Variants in PRKCH observed in about 807,000 individuals in gnomAD.
PRKCH encodes protein kinase C eta type.
PRKCH carries 28 observed loss-of-function variants against 82.5 expected under a neutral mutation model. The observed-to-expected ratio is 0.34, with a 90% CI of 0.25 to 0.47. PRKCH has a LOEUF of 0.47. Ranked by LOEUF, PRKCH falls within the 20% of genes least tolerant of loss-of-function variation. PRKCH has a pLI of 1.00. For synonymous variants in PRKCH, 322 were observed against 327.4 expected, an observed-to-expected ratio of 0.98 and a Z score of 0.18; for missense variants, 705 against 881.8, an observed-to-expected ratio of 0.80 and a Z score of 2.54.
intron 1 of PRKCH, among the ~76,000 whole-genome samples, chr14:61,240,169 C>G (rs1044079333): frequency 6.6e-6 from 1 of 151,906 alleles, no homozygotes; most frequent in Non-Finnish European, 1.5e-5. Flanking sequence ...CACGGACACA[C>G]GTGGAGTGAT....
chr14:61,398,987 T>C (rs1251768286), intron 2 of PRKCH, among the ~76,000 whole-genome samples: 1 of 152,216 alleles, frequency 6.6e-6, no homozygotes, highest in Non-Finnish European at 1.5e-5. Context: ...TATTACAGAA[T>C]TGTTGATGTT....
intron 1 of PRKCH, among the ~76,000 whole-genome samples, chr14:61,346,438 G>C (rs1400670066): frequency 6.6e-6 from 1 of 152,168 alleles, no homozygotes; most frequent in Non-Finnish European, 1.5e-5. Context: ...GAGATAGTGT[G>C]TCATTTCCCA....
intron 9 of PRKCH, among the ~76,000 whole-genome samples, chr14:61,482,903 G>A (rs1886047387): frequency 6.6e-6 from 1 of 152,182 alleles, no homozygotes; most frequent in Admixed American, 6.5e-5. Context: ...GGCTTTCGAT[G>A]CCTACTGCCT....
Position 61,322,282 on chromosome 14 carries a change from CAGA to C in PRKCH, c.185_187del (p.Lys62del). On this transcript the variant is annotated inframe_deletion, in exon 1 of 14. Coordinates refer to ENST00000332981, the MANE Select transcript of PRKCH (RefSeq NM_006255.5). ...GCGCGTGGGCCAGACCAGCACCAAG[CAGA>C]AGACCAACAAACCCACGTACAACGA... The C allele has an allele frequency of 6.2e-7, 1 of 1,613,244 alleles. No individual in the cohort carries two copies. Among genetic ancestry groups the C allele is most frequent in the Non-Finnish European group, 8.5e-7 (1 of 1,179,854 alleles).
chr14:61,359,026 A>G (rs2046189207), intron 1 of PRKCH, among the ~76,000 whole-genome samples: 1 of 152,210 alleles, frequency 6.6e-6, no homozygotes, highest in East Asian at 1.9e-4. Context: ...ACGTTGGATC[A>G]TAATCTATTT....
intron 12 of PRKCH, among the ~76,000 whole-genome samples, chr14:61,536,063 A>C (rs2043104521): frequency 1.3e-5 from 2 of 152,250 alleles, no homozygotes; most frequent in African/African-American, 4.8e-5. Flanking sequence ...AATGGTTTAC[A>C]ATACAAATAT....
intron 5 of PRKCH, 91 bp downstream of exon 5, chr14:61,449,343 C>A: frequency 9.2e-7 from 1 of 1,085,688 alleles, no homozygotes; most frequent in Non-Finnish European, 1.4e-6. Context: ...TCCTTTCCTC[C>A]CCCTCTTTTC....
intron 1 of PRKCH, among the ~76,000 whole-genome samples, chr14:61,188,615 T>TG (rs1214201662): frequency 0.021 from 487 of 23,038 alleles, 81 homozygotes; most frequent in African/African-American, 0.045. Context: ...TGGTGTGGTG[T>TG]GTGTGTGTGT....
chr14:61,404,006 T>G (rs1301317776), intron 2 of PRKCH, among the ~76,000 whole-genome samples: 1 of 152,252 alleles, frequency 6.6e-6, no homozygotes, highest in African/African-American at 2.4e-5. Context: ...CTGCTCTCTT[T>G]GTTTCAAATG....
At chr14:61,481,527 CTG>C (rs773006523) in intron 9 of PRKCH, among the ~76,000 whole-genome samples, 17 of 152,234 alleles carry the variant, frequency 1.1e-4, no homozygotes, top group Non-Finnish European at 2.4e-4. Context: ...AGCCTCACAA[CTG>C]TGTCTTTCCC....
At chr14:61,517,009 C>T (rs1594779383) in intron 10 of PRKCH, among the ~76,000 whole-genome samples, 1 of 152,092 alleles carries the variant, frequency 6.6e-6, no homozygotes, top group Admixed American at 6.5e-5. Context: ...GTTTAGATGG[C>T]TCAGGTTTAA....
At chr14:61,270,904 G>A (rs1377862034) in intron 1 of PRKCH, among the ~76,000 whole-genome samples, 1 of 152,186 alleles carries the variant, frequency 6.6e-6, no homozygotes, top group Non-Finnish European at 1.5e-5. Flanking sequence ...GGCCCAGGAG[G>A]TCAAGGCTGC....
At chr14:61,345,846 C>G (rs2140142619) in intron 1 of PRKCH, among the ~76,000 whole-genome samples, 1 of 147,068 alleles carries the variant, frequency 6.8e-6, no homozygotes, top group East Asian at 2.0e-4. Context: ...TGAGACCAGC[C>G]TGGACAACAT....
At chr14:61,281,301 C>T in intron 1 of PRKCH, 1 of 396,948 alleles carries the variant, frequency 2.5e-6, no homozygotes, top group Non-Finnish European at 4.5e-6. Flanking sequence ...CCTCTGCCTC[C>T]GTCACAGGTG....
At chr14:61,345,689 T>C (rs1280971144) in intron 1 of PRKCH, among the ~76,000 whole-genome samples, 2 of 152,180 alleles carry the variant, frequency 1.3e-5, no homozygotes, top group Non-Finnish European at 2.9e-5. Context: ...TTCAAGATAT[T>C]CAGATTCTCT....
intron 1 of PRKCH, among the ~76,000 whole-genome samples, chr14:61,307,875 C>T (rs1164136448): frequency 6.6e-6 from 1 of 152,168 alleles, no homozygotes; most frequent in African/African-American, 2.4e-5. Flanking sequence ...CTCGCTCTGT[C>T]ACGCAGGCTG....
intron 1 of PRKCH, among the ~76,000 whole-genome samples, chr14:61,295,106 T>G (rs1594896238): frequency 6.6e-6 from 1 of 152,136 alleles, no homozygotes; most frequent in Non-Finnish European, 1.5e-5. Flanking sequence ...CCTCAAATGA[T>G]CCACCTGCCT....
chr14:61,219,095 T>C (rs1366312449), intron 1 of PRKCH, among the ~76,000 whole-genome samples: 1 of 152,234 alleles, frequency 6.6e-6, no homozygotes, highest in Admixed American at 6.5e-5. Flanking sequence ...GACCCGACAT[T>C]GGACTTCAAC....
intron 1 of PRKCH, among the ~76,000 whole-genome samples, chr14:61,377,996 TTC>T (rs1327151457): frequency 6.6e-6 from 1 of 152,198 alleles, no homozygotes; most frequent in Non-Finnish European, 1.5e-5. Context: ...GCCTCCAGCC[TTC>T]TCTCTTACTC....
Sources: gnomAD v4.1 joint callset for allele counts (sites outside exome capture counted in the v4.1 genomes callset) on GRCh38, gnomAD v4.1.1 for gene constraint, MANE v1.5 for transcripts, NCBI Gene and HGNC (gene_info 2026-07-23, HGNC 2026-07-21) for gene names.